PEAK1: variants seen among roughly 807,000 people sequenced by gnomAD.
PEAK1 encodes the protein inactive tyrosine-protein kinase PEAK1.
PEAK1 carries 54 observed loss-of-function variants against 124.7 expected under a neutral mutation model. The observed-to-expected ratio is 0.43, with a 90% CI of 0.35 to 0.54. The LOEUF is 0.54. Ranked by LOEUF, PEAK1 falls within the 20% of genes least tolerant of loss-of-function variation. PEAK1 has a pLI of 0.01. For missense variants in PEAK1, 2,046 were observed against 2,134.5 expected (o/e 0.96, Z 0.82); for synonymous variants, 719 against 760.0 (o/e 0.95, Z 0.89).
chr15:77,404,470 A>G (rs906696561), intron 1 of PEAK1: 6 of 475,744 alleles, frequency 1.3e-5, no homozygotes, highest in Non-Finnish European at 1.6e-5. Context: ...ATAATTGATT[A>G]TATTGATGGC....
chr15:77,334,627 G>C, intron 2 of PEAK1: 2 of 985,134 alleles, frequency 2.0e-6, no homozygotes, highest in Non-Finnish European at 2.4e-6. Context: ...AGTCCAGCAG[G>C]AAATATTTTC....
intron 7 of PEAK1, among the ~76,000 whole-genome samples, chr15:77,171,102 TA>T (rs142158800): frequency 0.038 from 5,815 of 152,210 alleles, 157 homozygotes; most frequent in Middle Eastern, 0.092. Context: ...AATATTTTAT[TA>T]AAAAAATCAT....
chr15:77,148,405 G>A (rs747269121), intron 8 of PEAK1, among the ~76,000 whole-genome samples: 3 of 152,134 alleles, frequency 2.0e-5, no homozygotes, highest in Non-Finnish European at 4.4e-5. Context: ...AACTGGATCT[G>A]CACAGCTGTC....
At chr15:77,388,354 T>C (rs947601921) in intron 1 of PEAK1, among the ~76,000 whole-genome samples, 1 of 152,210 alleles carries the variant, frequency 6.6e-6, no homozygotes, top group Non-Finnish European at 1.5e-5. Context: ...AGATATGACA[T>C]GCTAACGTGC....
In PEAK1 at chr15:77,180,235, G is replaced by A. The variant is rs374602673; in HGVS notation, c.1692C>T (p.Asn564=). The change falls in exon 7 of 10, where the codon AAC becomes AAT. Residue 564 remains asparagine, a synonymous_variant. Transcript: ENST00000682557. The part of the protein sequence containing the change: ...GTGPNVPPRK[N]CHKSAPTSPT... ...GTGATGTAGGTGCTGATTTGTGACA[G>A]TTTTTCCTTGGAGGAACATTTGGTC... The A allele has an allele frequency of 7.1e-5, 114 of 1,614,064 alleles. No individual in the cohort carries two copies. The highest frequency in any genetic ancestry group is 8.6e-5 in the Non-Finnish European group (101 of 1,180,030).
At position 77,111,818 on chromosome 15, in the gene PEAK1, G is replaced by T. The variant is rs4886850; in HGVS notation, c.*2338C>A. On this transcript the variant is annotated 3_prime_UTR_variant, in exon 10 of 10. Coordinates refer to ENST00000682557, the MANE Select transcript of PEAK1 (RefSeq NM_001385026.1). ...GTAACCTCATTAAATAGTCAACATT[G>T]AAATTTACATGGGCAAGGCACCACG... 6.6e-6 allele frequency: 1 copy of T among 152,044 alleles called. No individual in the cohort carries two copies. Among genetic ancestry groups the T allele is most frequent in the Non-Finnish European group, 1.5e-5 (1 of 68,012 alleles). The allele number at this position is 152,044 out of a possible 1,614,324, so 9.4% of individuals were successfully genotyped here. A position where few individuals can be genotyped will look rare whatever the true frequency, so the allele number is the denominator to read the frequency against.
At position 77,155,281 on chromosome 15, in the gene PEAK1, T is replaced by C. The variant is rs535656828; in HGVS notation, c.3331+3222A>G. On this transcript the variant is annotated intron_variant, in intron 8 of 9. Coordinates refer to ENST00000682557, the MANE Select transcript of PEAK1 (RefSeq NM_001385026.1). The stretch of plus-strand genomic sequence containing the variant: ...CTTTCTTCCAGTTGATCGCATCGGC[T>C]CCTGAGGCGTCTGCATTCTTCACAT... 2.6e-5 allele frequency: 4 copies of C among 152,358 alleles called. No individual in the cohort carries two copies. The South Asian group carries it at 8.3e-4, about 32-fold the overall frequency. 9.4% of individuals were successfully genotyped at this position (152,358 alleles called of 1,614,324 possible).
Position 77,236,128 on chromosome 15 carries a change from C to T in PEAK1, c.-115+16239G>A, listed in dbSNP as rs115166380. ...GGTTGGAGTCTCCACACAGAGTCCC[C>T]ACTGGGCACTACTTAGTGGAGCTGT... On this transcript the variant is annotated intron_variant, in intron 6 of 9. Transcript: ENST00000682557. Among the ~76,000 whole-genome samples the T allele has an allele frequency of 7.3e-3, 1,108 of 152,328 alleles. 15 individuals carry two copies. The highest frequency in any genetic ancestry group is 0.025 in the African/African-American group (1,052 of 41,580).
At position 77,179,787 on chromosome 15, in the gene PEAK1, T is replaced by C; in HGVS notation, c.2140A>G (p.Asn714Asp). ...CTCTGTGGTGAAGACTGACCTCTGT[T>C]GAGACAGTTGTTAAACTCTTGAACC... Reference protein sequence around the residue: ...QKVQEFNNCLNRGQSSPQRSY... With the variant: ...QKVQEFNNCLDRGQSSPQRSY... The change falls in exon 7 of 10, where the codon AAC becomes GAC. Residue 714 changes from asparagine to aspartate, a missense_variant. By Grantham distance (23) the Asn-to-Asp change is conservative. Coordinates refer to ENST00000682557, the MANE Select transcript of PEAK1 (RefSeq NM_001385026.1). The C allele has an allele frequency of 6.2e-7, 1 of 1,614,114 alleles. No homozygotes were observed.
chr15:77,406,912 G>C (rs1281503303), intron 1 of PEAK1, among the ~76,000 whole-genome samples: 6 of 152,154 alleles, frequency 3.9e-5, no homozygotes, highest in Non-Finnish European at 8.8e-5. Flanking sequence ...CCTGGTACTG[G>C]TGTAAAAATA....
chr15:77,113,243 A>G lies in PEAK1; in HGVS notation c.*913T>C, dbSNP rs1158182803. 1.3e-5 allele frequency: 2 copies of G among 152,272 alleles called. No individual in the cohort carries two copies. The highest frequency in any genetic ancestry group is 4.8e-5 in the African/African-American group (2 of 41,472). The allele number at this position is 152,272 out of a possible 1,614,324, so 9.4% of individuals were successfully genotyped here. A position where few individuals can be genotyped will look rare whatever the true frequency, so the allele number is the denominator to read the frequency against. On this transcript the variant is annotated 3_prime_UTR_variant, in exon 10 of 10. Coordinates refer to ENST00000682557, the MANE Select transcript of PEAK1 (RefSeq NM_001385026.1). Reference sequence around the variant, plus strand: ...CTCGGGGAAAACTGCAAATGCTGACAGTTCTGACAGTAATCAAAGGGTACT... The same window carrying G: ...CTCGGGGAAAACTGCAAATGCTGACGGTTCTGACAGTAATCAAAGGGTACT...
At chr15:77,260,387 G>A (rs1333052562) in intron 5 of PEAK1, among the ~76,000 whole-genome samples, 1 of 151,998 alleles carries the variant, frequency 6.6e-6, no homozygotes, top group African/African-American at 2.4e-5. Flanking sequence ...AACACAGTAA[G>A]AATCAGGGAA....
intron 2 of PEAK1, among the ~76,000 whole-genome samples, chr15:77,301,530 A>T (rs1046965460): frequency 1.3e-5 from 2 of 152,202 alleles, no homozygotes; most frequent in Non-Finnish European, 2.9e-5. Flanking sequence ...ATTACTGGTC[A>T]TATGTTTTGC....
intron 2 of PEAK1, among the ~76,000 whole-genome samples, chr15:77,331,304 A>G (rs1487766078): frequency 1.3e-5 from 2 of 151,948 alleles, no homozygotes; most frequent in African/African-American, 4.8e-5. Context: ...TAATTTTTGT[A>G]TTTTTAGTAC....
At chr15:77,360,616 C>G (rs1192784089) in intron 2 of PEAK1, among the ~76,000 whole-genome samples, 1 of 152,070 alleles carries the variant, frequency 6.6e-6, no homozygotes, top group Non-Finnish European at 1.5e-5. Context: ...CTCACCTATA[C>G]AGAGGACTGA....
At chr15:77,310,170 T>C (rs1285754750) in intron 2 of PEAK1, among the ~76,000 whole-genome samples, 1 of 152,164 alleles carries the variant, frequency 6.6e-6, no homozygotes, top group Non-Finnish European at 1.5e-5. Context: ...TAAAGCCTCT[T>C]TGAATGCTTG....
Position 77,114,036 on chromosome 15 carries a change from G to T in PEAK1, c.*120C>A. The T allele has an allele frequency of 9.4e-7, 1 of 1,068,674 alleles. No individual in the cohort carries two copies. The highest frequency in any genetic ancestry group is 1.4e-6 in the Non-Finnish European group (1 of 723,646). 66.2% of individuals were successfully genotyped at this position (1,068,674 alleles called of 1,614,324 possible). A position where few individuals can be genotyped will look rare whatever the true frequency, so the allele number is the denominator to read the frequency against. On this transcript the variant is annotated 3_prime_UTR_variant, in exon 10 of 10. Coordinates refer to ENST00000682557, the MANE Select transcript of PEAK1 (RefSeq NM_001385026.1). The stretch of plus-strand genomic sequence containing the variant: ...TTCTGAATAGACCCACTTGTTCACG[G>T]ACAGGGATAGAGGTTTGCCTTTCTT...
Position 77,150,282 on chromosome 15 carries a change from A to G in PEAK1, c.3331+8221T>C, listed in dbSNP as rs115097101. ...AGGACATTAAAGTCTAGTGGCTAAG[A>G]TCGACTCGATTCCAGCTGGTTAAAC... is the stretch of plus-strand genomic sequence containing the variant. On this transcript the variant is annotated intron_variant, in intron 8 of 9. Coordinates refer to ENST00000682557, the MANE Select transcript of PEAK1 (RefSeq NM_001385026.1). 6.5e-3 allele frequency among the ~76,000 whole-genome samples: 991 copies of G among 152,280 alleles called. 9 individuals are homozygous for G. Among genetic ancestry groups the G allele is most frequent in the African/African-American group, 0.023 (950 of 41,564 alleles).
intron 6 of PEAK1, among the ~76,000 whole-genome samples, chr15:77,208,610 C>G (rs2058768345): frequency 6.6e-6 from 1 of 152,044 alleles, no homozygotes; most frequent in Admixed American, 6.5e-5. Context: ...ACTATGAATT[C>G]TAGGCAATGT....
Sources: gnomAD v4.1 joint callset for allele counts (sites outside exome capture counted in the v4.1 genomes callset) on GRCh38, gnomAD v4.1.1 for gene constraint, MANE v1.5 for transcripts, NCBI Gene and HGNC (gene_info 2026-07-23, HGNC 2026-07-21) for gene names.